Variants in GABBR2 observed in about 807,000 individuals in gnomAD.
GABBR2 encodes G-protein coupled receptor 51.
In GABBR2, 23 loss-of-function variants were observed where a neutral mutation model predicts 105.6. That is an observed-to-expected ratio of 0.22 (90% confidence interval 0.16 to 0.31). The LOEUF is 0.31. Among genes scored for constraint, GABBR2 ranks in the 10% least tolerant of loss-of-function variants. The pLI is 1.00. For missense variants in GABBR2, 734 were observed against 1,245.5 expected (o/e 0.59, Z 6.18); for synonymous variants, 478 against 499.7 (o/e 0.96, Z 0.58).
intron 1 of GABBR2, among the ~76,000 whole-genome samples, chr9:98,654,389 A>G (rs943751027): frequency 1.3e-5 from 2 of 152,194 alleles, no homozygotes; most frequent in Non-Finnish European, 2.9e-5. Context: ...TAATGGGGAG[A>G]AAGAATAAGT....
intron 6 of GABBR2, among the ~76,000 whole-genome samples, chr9:98,471,462 A>T (rs1826673473): frequency 6.6e-6 from 1 of 152,210 alleles, no homozygotes; most frequent in Non-Finnish European, 1.5e-5. Context: ...ATGCCAAAAC[A>T]TTTCCTCCCA....
Position 98,376,106 on chromosome 9 carries a change from G to A in GABBR2, c.1663-4535C>T, listed in dbSNP as rs559143544. ...GGGGAAGACAAACTTTAGGCAGGTA[G>A]TGCCCATCTCAGTCCCAGCTATGAA... is the stretch of plus-strand genomic sequence containing the variant. On this transcript the variant is annotated intron_variant, in intron 11 of 18. Transcript: ENST00000259455. 1.2e-3 allele frequency among the ~76,000 whole-genome samples: 180 copies of A among 152,286 alleles called. 2 individuals are homozygous for A. The highest frequency in any genetic ancestry group is 3.4e-3 in the Middle Eastern group (1 of 294).
intron 1 of GABBR2, among the ~76,000 whole-genome samples, chr9:98,657,136 C>A (rs1390058847): frequency 6.6e-6 from 1 of 152,220 alleles, no homozygotes; most frequent in Non-Finnish European, 1.5e-5. Context: ...AACTGAGCAG[C>A]CTTTGCCCCT....
At chr9:98,652,130 A>G (rs1190904009) in intron 1 of GABBR2, among the ~76,000 whole-genome samples, 1 of 152,208 alleles carries the variant, frequency 6.6e-6, no homozygotes, top group Non-Finnish European at 1.5e-5. Context: ...ACAGTTTATT[A>G]TCATATGTAT....
chr9:98,661,250 A>G (rs1830257679), intron 1 of GABBR2, among the ~76,000 whole-genome samples: 2 of 152,188 alleles, frequency 1.3e-5, no homozygotes, highest in Admixed American at 1.3e-4. Flanking sequence ...CCCTTTTGCC[A>G]TGGAAGGCAA....
chr9:98,480,887 C>T (rs779891123), intron 5 of GABBR2, 45 bp downstream of exon 5: 30 of 1,132,020 alleles, frequency 2.7e-5, no homozygotes, highest in Admixed American at 5.1e-5. Flanking sequence ...GAAAAAGCTT[C>T]GTGAACCTCC....
intron 1 of GABBR2, among the ~76,000 whole-genome samples, chr9:98,630,198 G>C (rs1167771): frequency 0.056 from 8,544 of 152,184 alleles, 871 homozygotes; most frequent in East Asian, 0.45. Flanking sequence ...AGGATCACTG[G>C]GTGAGAAGCA....
At chr9:98,623,650 C>T (rs1186721692) in intron 1 of GABBR2, among the ~76,000 whole-genome samples, 10 of 152,118 alleles carry the variant, frequency 6.6e-5, no homozygotes, top group Non-Finnish European at 1.5e-4. Flanking sequence ...CCTCCATTTT[C>T]AAAGCCAGCA....
chr9:98,357,664 C>T (rs1417407022), intron 13 of GABBR2, among the ~76,000 whole-genome samples: 3 of 115,630 alleles, frequency 2.6e-5, no homozygotes, highest in Non-Finnish European at 5.4e-5. Context: ...AACAGACAAA[C>T]AAACAAAAAA....
chr9:98,512,513 C>T lies in GABBR2; in HGVS notation c.631-15999G>A, dbSNP rs972911127. On this transcript the variant is annotated intron_variant, in intron 3 of 18. Transcript: ENST00000259455. ...TGATTGTATATCTAGAAAACCCCAT[C>T]GTCTCAGCCCAAAATCTCAAGCTGA... 1.1e-3 allele frequency among the ~76,000 whole-genome samples: 162 copies of T among 152,264 alleles called. 1 individual carries two copies. The highest frequency in any genetic ancestry group is 3.1e-3 in the African/African-American group (128 of 41,512).
At chr9:98,605,211 G>T (rs1487091844) in intron 1 of GABBR2, among the ~76,000 whole-genome samples, 1 of 152,228 alleles carries the variant, frequency 6.6e-6, no homozygotes, top group South Asian at 2.1e-4. Context: ...GCCATCCCCA[G>T]GTCAGGTTTC....
intron 1 of GABBR2, among the ~76,000 whole-genome samples, chr9:98,635,899 T>C (rs1829869016): frequency 6.6e-6 from 1 of 152,160 alleles, no homozygotes. Flanking sequence ...AGAAGTCACC[T>C]GTGGAGCCTG....
At chr9:98,415,633 C>A (rs1039923745) in intron 7 of GABBR2, among the ~76,000 whole-genome samples, 62 of 152,204 alleles carry the variant, frequency 4.1e-4, no homozygotes, top group African/African-American at 1.4e-3. Context: ...CATTTGTGTG[C>A]GTTATTTAAG....
At chr9:98,390,127 C>A (rs542683707) in intron 9 of GABBR2, among the ~76,000 whole-genome samples, 1 of 152,278 alleles carries the variant, frequency 6.6e-6, no homozygotes, top group South Asian at 2.1e-4. Flanking sequence ...GTAATCCCAG[C>A]ACTTTGGGAG....
intron 6 of GABBR2, among the ~76,000 whole-genome samples, chr9:98,456,097 A>C (rs1826321321): frequency 6.6e-6 from 1 of 151,762 alleles, no homozygotes; most frequent in Admixed American, 6.6e-5. Context: ...TGTTACTCAC[A>C]TTCCTCCACC....
chr9:98,686,860 C>T (rs1357110495), intron 1 of GABBR2, among the ~76,000 whole-genome samples: 1 of 152,108 alleles, frequency 6.6e-6, no homozygotes, highest in Non-Finnish European at 1.5e-5. Flanking sequence ...ACCCATCAAC[C>T]AAACACAAGG....
rs1393091053 is a variant in GABBR2, at chr9:98,482,786, A to G, written c.733-1789T>C. 3.9e-5 allele frequency among the ~76,000 whole-genome samples: 6 copies of G among 152,004 alleles called. No individual in the cohort carries two copies. In the East Asian group the frequency reaches 1.2e-3, roughly 29 times the overall value. On this transcript the variant is annotated intron_variant, in intron 4 of 18. Transcript: ENST00000259455. Reference sequence around the variant, plus strand: ...TATCTACCTTGCCCAGTGGTTGTCAATTCATCATAATGAAACTCACCCGGT... The same window carrying G: ...TATCTACCTTGCCCAGTGGTTGTCAGTTCATCATAATGAAACTCACCCGGT...
intron 1 of GABBR2, among the ~76,000 whole-genome samples, chr9:98,665,186 C>T (rs7863368): frequency 0.93 from 141,179 of 152,078 alleles, 65,659 homozygotes; most frequent in Middle Eastern, 0.97. Flanking sequence ...GGAGGATCGC[C>T]TGAGCCTGGG....
chr9:98,384,310 G>A (rs780772302), intron 11 of GABBR2, among the ~76,000 whole-genome samples: 3 of 152,172 alleles, frequency 2.0e-5, no homozygotes, highest in Non-Finnish European at 4.4e-5. Flanking sequence ...AAACTATTAA[G>A]TGATTGCTAA....
Sources: gnomAD v4.1 joint callset for allele counts (sites outside exome capture counted in the v4.1 genomes callset) on GRCh38, gnomAD v4.1.1 for gene constraint, MANE v1.5 for transcripts, NCBI Gene and HGNC (gene_info 2026-07-23, HGNC 2026-07-21) for gene names.